EXTL3: variants seen among roughly 807,000 people sequenced by gnomAD.
The protein encoded by EXTL3 is exostosin-like 3.
In EXTL3, 27 loss-of-function variants were observed where a neutral mutation model predicts 69.3. That is an observed-to-expected ratio of 0.39 (90% CI 0.29 to 0.54). The LOEUF is 0.54. EXTL3 is among the 20% of genes least tolerant of loss of function. The pLI, the probability that EXTL3 is intolerant of heterozygous loss-of-function variation, is 0.69. For missense variants in EXTL3, 1,003 were observed against 1,231.8 expected, an observed-to-expected ratio of 0.81 and a Z score of 2.78; for synonymous variants, 511 against 499.4, an observed-to-expected ratio of 1.02 and a Z score of -0.31.
Position 28,717,555 on chromosome 8 carries a change from G to A in EXTL3, c.1496G>A (p.Ser499Asn). The change falls in exon 3 of 7, where the codon AGC becomes AAC. Residue 499 changes from serine to asparagine, a missense_variant. Physicochemically the swap from Ser to Asn is conservative, Grantham distance 46. Coordinates refer to ENST00000220562, the MANE Select transcript of EXTL3 (RefSeq NM_001440.4). This position sits in a 1 kb window ranked among gnomAD's most constrained non-coding sequence, Gnocchi z 8.3. ...ACCGAGGTTCATTTCCTGCTCAGAA[G>A]CCTCTCCGATAGTGACCTCCTGGCT... The part of the protein sequence containing the change: ...RVTEVHFLLR[S>N]LSDSDLLAMR... The A allele has an allele frequency of 6.2e-7, 1 of 1,614,254 alleles. No homozygotes were observed. Among genetic ancestry groups the A allele is most frequent in the Non-Finnish European group, 8.5e-7 (1 of 1,180,046 alleles).
At chr8:28,627,354 G>T (rs1159626568) in intron 1 of EXTL3, among the ~76,000 whole-genome samples, 2 of 152,000 alleles carry the variant, frequency 1.3e-5, no homozygotes, top group Non-Finnish European at 2.9e-5. Context: ...GCCTGGCATG[G>T]TTGTGCGTGC....
intron 3 of EXTL3, among the ~76,000 whole-genome samples, chr8:28,720,313 T>A (rs1300856474): frequency 6.6e-6 from 1 of 152,190 alleles, no homozygotes; most frequent in Non-Finnish European, 1.5e-5. Flanking sequence ...TTTTTATAAA[T>A]TTAGCACCAG....
chr8:28,609,919 G>T (rs1390865085), intron 2 of EXTL3, among the ~76,000 whole-genome samples: 2 of 136,656 alleles, frequency 1.5e-5, no homozygotes, highest in African/African-American at 5.7e-5. Context: ...AAAAAAAAAA[G>T]CCAGATGCAG....
intron 1 of EXTL3, among the ~76,000 whole-genome samples, chr8:28,630,297 G>T (rs1021285613): frequency 2.6e-5 from 4 of 152,142 alleles, no homozygotes; most frequent in African/African-American, 7.2e-5. Flanking sequence ...TCTGCCTTCT[G>T]CTGTGATTGT....
intron 1 of EXTL3, among the ~76,000 whole-genome samples, chr8:28,640,336 T>G (rs1372250266): frequency 6.6e-6 from 1 of 152,192 alleles, no homozygotes; most frequent in Non-Finnish European, 1.5e-5. Flanking sequence ...TAATATCTAT[T>G]CTTTCTCTTT....
At chr8:28,619,087 G>A (rs138523172), upstream of EXTL3, among the ~76,000 whole-genome samples, 235 of 60,406 alleles carry the variant, frequency 3.9e-3, no homozygotes, top group Middle Eastern at 0.039. Flanking sequence ...GTGAGACTCC[G>A]TCTCAAAAAA....
At chr8:28,731,910 CAT>C (rs1302153324) in intron 4 of EXTL3, among the ~76,000 whole-genome samples, 1 of 152,074 alleles carries the variant, frequency 6.6e-6, no homozygotes, top group Non-Finnish European at 1.5e-5. Flanking sequence ...TGATGGTAAA[CAT>C]ATGTTGAACC....
chr8:28,746,906 C>A (rs186898218), intron 6 of EXTL3, among the ~76,000 whole-genome samples: 92 of 152,310 alleles, frequency 6.0e-4, no homozygotes, highest in African/African-American at 2.0e-3. Context: ...GATCTCTTGA[C>A]CTCGTGATCT....
intron 4 of EXTL3, among the ~76,000 whole-genome samples, chr8:28,731,824 G>C (rs1585287392): frequency 6.6e-6 from 1 of 152,102 alleles, no homozygotes; most frequent in Admixed American, 6.5e-5. Flanking sequence ...GGGAAGGAGG[G>C]TGTCAGAAGC....
At chr8:28,647,206 GC>G (rs1245684971) in intron 1 of EXTL3, among the ~76,000 whole-genome samples, 1 of 151,558 alleles carries the variant, frequency 6.6e-6, no homozygotes, top group Non-Finnish European at 1.5e-5. Flanking sequence ...CTGGGTTCAA[GC>G]CATTGTCCTC....
intron 2 of EXTL3, among the ~76,000 whole-genome samples, chr8:28,615,557 G>C (rs137931310): frequency 1.3e-5 from 2 of 152,096 alleles, no homozygotes; most frequent in African/African-American, 4.8e-5. Flanking sequence ...AATTAATATA[G>C]CTACTCCAGT....
intron 1 of EXTL3, among the ~76,000 whole-genome samples, chr8:28,661,893 A>C: frequency 6.7e-6 from 1 of 149,902 alleles, no homozygotes; most frequent in Non-Finnish European, 1.5e-5. Context: ...TCAAAAAAAA[A>C]ATTAAAATAA....
intron 1 of EXTL3, among the ~76,000 whole-genome samples, chr8:28,642,482 G>A (rs1008048017): frequency 1.3e-5 from 2 of 151,368 alleles, no homozygotes; most frequent in Non-Finnish European, 2.9e-5. Flanking sequence ...GCTAGGTGTG[G>A]TAGCTCATAC....
At chr8:28,721,364 T>A (rs1371857138) in intron 3 of EXTL3, among the ~76,000 whole-genome samples, 4 of 152,238 alleles carry the variant, frequency 2.6e-5, no homozygotes. Flanking sequence ...CTTTCTCCTG[T>A]CTGGAATTTT....
Position 28,705,969 on chromosome 8 carries a change from A to G in EXTL3, c.-570+4310A>G, listed in dbSNP as rs550015419. 7.2e-5 allele frequency among the ~76,000 whole-genome samples: 11 copies of G among 152,346 alleles called. No individual in the cohort carries two copies. In the East Asian group the frequency reaches 1.9e-3, roughly 27 times the overall value. The stretch of plus-strand genomic sequence containing the variant: ...TCTGTTTGTTTTTCTATTCAGAAAT[A>G]TATACATATGCATTTTAAACATGTT... On this transcript the variant is annotated intron_variant, in intron 1 of 6. Transcript: ENST00000220562.
At position 28,688,060 on chromosome 8, in the gene EXTL3, CT is replaced by C. The variant is rs149041444; in HGVS notation, c.-52-25379del. 5.1e-3 allele frequency among the ~76,000 whole-genome samples: 671 copies of C among 131,934 alleles called. 3 individuals are homozygous for C. Among genetic ancestry groups the C allele is most frequent in the East Asian group, 0.019 (87 of 4,522 alleles). 86.6% of individuals were successfully genotyped at this position (131,934 alleles called of 152,430 possible). On this transcript the variant is annotated intron_variant, in intron 1 of 6. Coordinates refer to the EXTL3 transcript ENST00000523149. ...GTGAATGACAGTAGAGAAGAGATGACTTTTTTTTTTTTTTTTTTGAGACGGA... is the reference window on the plus strand; with the variant it reads ...GTGAATGACAGTAGAGAAGAGATGACTTTTTTTTTTTTTTTTTGAGACGGA...
At chr8:28,671,318 T>TG (rs1807288997) in intron 1 of EXTL3, among the ~76,000 whole-genome samples, 1 of 145,444 alleles carries the variant, frequency 6.9e-6, no homozygotes, top group South Asian at 2.2e-4. Context: ...TGTTTTTTTT[T>TG]TTTTTTTTTT....
intron 1 of EXTL3, among the ~76,000 whole-genome samples, chr8:28,708,954 T>C (rs1800976734): frequency 6.6e-6 from 1 of 152,234 alleles, no homozygotes; most frequent in Non-Finnish European, 1.5e-5. Context: ...ATATTATGTG[T>C]GTCAATTGTA....
chr8:28,662,204 A>G (rs1263531464), intron 1 of EXTL3, among the ~76,000 whole-genome samples: 1 of 152,112 alleles, frequency 6.6e-6, no homozygotes, highest in African/African-American at 2.4e-5. Flanking sequence ...CTTGAAACAT[A>G]AGAAATGTTA....
Sources: gnomAD v4.1 joint callset for allele counts (sites outside exome capture counted in the v4.1 genomes callset) on GRCh38, gnomAD v4.1.1 for gene constraint, Gnocchi (gnomAD v3.1) non-coding constraint, MANE v1.5 for transcripts, NCBI Gene and HGNC (gene_info 2026-07-23, HGNC 2026-07-21) for gene names.